FHIT: variants seen among roughly 807,000 people sequenced by gnomAD.
FHIT encodes the protein fragile histidine triad diadenosine triphosphatase, also known as bis(5'-adenosyl)-triphosphatase.
A neutral mutation model predicts 17.9 loss-of-function variants in FHIT; 19 were observed. The observed-to-expected ratio is 1.06, with a 90% CI of 0.74 to 1.56. The LOEUF is 1.56. Ranked by LOEUF, FHIT falls within the 40% of genes most tolerant of loss-of-function variation. The pLI is 0.00. For missense variants in FHIT, 248 were observed against 189.2 expected (o/e 1.31, Z -1.82); for synonymous variants, 81 against 69.7 (o/e 1.16, Z -0.81).
intron 5 of FHIT, among the ~76,000 whole-genome samples, chr3:60,041,718 A>T (rs994326495): frequency 3.3e-5 from 5 of 152,202 alleles, no homozygotes; most frequent in African/African-American, 7.2e-5. Flanking sequence ...CCCACAAAAG[A>T]AACTTGGATT....
chr3:61,150,274 T>C (rs761655409), intron 2 of FHIT, among the ~76,000 whole-genome samples: 10 of 150,308 alleles, frequency 6.7e-5, no homozygotes, highest in South Asian at 2.2e-4. Context: ...GGGGTTTGTA[T>C]TGTCCCCTAG....
chr3:60,461,669 G>C (rs187055304), intron 5 of FHIT, among the ~76,000 whole-genome samples: 2 of 152,214 alleles, frequency 1.3e-5, no homozygotes, highest in East Asian at 3.9e-4. Flanking sequence ...TCTTCTGCAA[G>C]TTACTTCCAT....
intron 5 of FHIT, among the ~76,000 whole-genome samples, chr3:60,156,611 C>T (rs1414624122): frequency 6.6e-6 from 1 of 151,272 alleles, no homozygotes; most frequent in African/African-American, 2.4e-5. Flanking sequence ...AATTAGCCGG[C>T]CATAATGGTG....
intron 5 of FHIT, among the ~76,000 whole-genome samples, chr3:60,233,917 TC>T (rs2107558415): frequency 6.6e-6 from 1 of 152,266 alleles, no homozygotes; most frequent in African/African-American, 2.4e-5. Context: ...GTGTGAGGCC[TC>T]CCCAACCACG....
Position 60,905,893 on chromosome 3 carries a change from A to AT in FHIT, c.-110-83883dup, listed in dbSNP as rs202133263. ...GGATGGAGTGGGACTTTCTTGAACAATTTTTTTTTCTAGTTTTGACTTGAA... is the reference window on the plus strand; with the variant it reads ...GGATGGAGTGGGACTTTCTTGAACAATTTTTTTTTTCTAGTTTTGACTTGAA... On this transcript the variant is annotated intron_variant, in intron 3 of 9. Transcript: ENST00000492590. 5.3e-4 allele frequency among the ~76,000 whole-genome samples: 81 copies of AT among 151,606 alleles called. 1 individual carries two copies. In the East Asian group the frequency reaches 0.014, roughly 26 times the overall value.
chr3:60,599,173 G>C (rs1186559420), intron 4 of FHIT, among the ~76,000 whole-genome samples: 2 of 152,138 alleles, frequency 1.3e-5, no homozygotes, highest in Non-Finnish European at 2.9e-5. Context: ...ACAGAAGGGA[G>C]AGCTCATATA....
intron 5 of FHIT, among the ~76,000 whole-genome samples, chr3:60,277,835 C>T (rs1033044715): frequency 6.6e-6 from 1 of 152,084 alleles, no homozygotes; most frequent in South Asian, 2.1e-4. Context: ...TTAATTTTCC[C>T]GGCATGAGAT....
intron 5 of FHIT, among the ~76,000 whole-genome samples, chr3:60,450,805 C>T (rs552869250): frequency 3.3e-5 from 5 of 152,098 alleles, no homozygotes; most frequent in Admixed American, 3.3e-4. Flanking sequence ...CAAGAAGGAA[C>T]CTGCTTGTAA....
At chr3:61,091,735 C>T (rs2035487728) in intron 2 of FHIT, among the ~76,000 whole-genome samples, 2 of 151,658 alleles carry the variant, frequency 1.3e-5, no homozygotes, top group Admixed American at 1.3e-4. Context: ...ATCACTTGAG[C>T]CCAGGAGTTT....
chr3:59,973,025 C>G (rs538274921), intron 7 of FHIT, among the ~76,000 whole-genome samples: 4 of 152,186 alleles, frequency 2.6e-5, no homozygotes, highest in African/African-American at 9.6e-5. Context: ...CTTCCATGAA[C>G]CTCAGCTAGA....
chr3:60,196,727 CAT>C (rs907868316), intron 5 of FHIT, among the ~76,000 whole-genome samples: 15 of 151,864 alleles, frequency 9.9e-5, no homozygotes, highest in African/African-American at 3.6e-4. Flanking sequence ...ACATATATAA[CAT>C]ATATTACACA....
intron 2 of FHIT, among the ~76,000 whole-genome samples, chr3:61,151,014 T>C (rs190645955): frequency 2.0e-5 from 3 of 150,218 alleles, no homozygotes; most frequent in Admixed American, 2.0e-4. Flanking sequence ...AGCACAATGA[T>C]GAGAAATCTA....
chr3:60,349,931 A>T (rs1711000368), intron 5 of FHIT, among the ~76,000 whole-genome samples: 2 of 152,200 alleles, frequency 1.3e-5, no homozygotes, highest in Admixed American at 6.6e-5. Flanking sequence ...AAGCAGTTAG[A>T]ATTTCCTGAT....
chr3:59,982,333 G>A (rs2630189), intron 7 of FHIT, among the ~76,000 whole-genome samples: 1 of 151,858 alleles, frequency 6.6e-6, no homozygotes, highest in African/African-American at 2.4e-5. Context: ...AATCCCCCAA[G>A]AAACTTTTGA....
At chr3:60,285,421 A>G (rs1707678293) in intron 5 of FHIT, among the ~76,000 whole-genome samples, 2 of 152,170 alleles carry the variant, frequency 1.3e-5, no homozygotes, top group South Asian at 4.1e-4. Flanking sequence ...CTATAGAATG[A>G]GTGAGATAAA....
At chr3:61,177,480 A>G (rs914019508) in intron 2 of FHIT, among the ~76,000 whole-genome samples, 5 of 152,206 alleles carry the variant, frequency 3.3e-5, no homozygotes, top group African/African-American at 7.2e-5. Flanking sequence ...AAGTTACTTT[A>G]AATGTATATT....
chr3:60,934,120 T>A (rs1449323770), intron 3 of FHIT, among the ~76,000 whole-genome samples: 1 of 152,160 alleles, frequency 6.6e-6, no homozygotes, highest in African/African-American at 2.4e-5. Context: ...GAGAGGAATC[T>A]TGACCAGAAT....
At chr3:59,825,753 A>G (rs1229596197) in intron 8 of FHIT, among the ~76,000 whole-genome samples, 1 of 152,144 alleles carries the variant, frequency 6.6e-6, no homozygotes, top group South Asian at 2.1e-4. Flanking sequence ...AAGTCAATGG[A>G]CTGAGATACT....
chr3:60,925,257 T>A (rs1402836891), intron 3 of FHIT, among the ~76,000 whole-genome samples: 1 of 152,056 alleles, frequency 6.6e-6, no homozygotes, highest in Non-Finnish European at 1.5e-5. Context: ...CACATAATTG[T>A]CAGATTCAAC....
Sources: gnomAD v4.1 joint callset for allele counts (sites outside exome capture counted in the v4.1 genomes callset) on GRCh38, gnomAD v4.1.1 for gene constraint, MANE v1.5 for transcripts, NCBI Gene and HGNC (gene_info 2026-07-23, HGNC 2026-07-21) for gene names.